PCNT: variants seen among roughly 807,000 people sequenced by gnomAD.
The protein encoded by PCNT is pericentrin, also known as kendrin.
Under a neutral mutation model 380.4 loss-of-function variants are expected in PCNT, and 319 were observed. That is an observed-to-expected ratio of 0.84 (90% CI 0.77 to 0.92). The LOEUF (loss-of-function observed/expected upper bound fraction) is 0.92. Ranked by LOEUF, PCNT falls within the 40% of genes least tolerant of loss-of-function variation. The pLI, the probability that PCNT is intolerant of heterozygous loss-of-function variation, is 0.00. For missense variants in PCNT, 4,400 were observed against 4,255.3 expected (o/e 1.03, Z -0.95); for synonymous variants, 1,845 against 1,735.2 (o/e 1.06, Z -1.57).
At chr21:46,397,532 A>T in intron 22 of PCNT, 38 bp downstream of exon 22, 10 of 1,547,118 alleles carry the variant, frequency 6.5e-6, no homozygotes, top group Non-Finnish European at 8.9e-6. Flanking sequence ...TGCATCACTA[A>T]AAGTTGCCGT....
At position 46,443,956 on chromosome 21, in the gene PCNT, T is replaced by C. The variant is rs781143576; in HGVS notation, c.9839+8T>C. Reference sequence around the variant, plus strand: ...CCCACACAGTGGGGGAAGGTCAGTGTGATGCCTTCAGGCCCCGTCTCCTGC... The same window carrying C: ...CCCACACAGTGGGGGAAGGTCAGTGCGATGCCTTCAGGCCCCGTCTCCTGC... On this transcript the variant is annotated splice_region_variant and intron_variant, in intron 45 of 46. Transcript: ENST00000359568. The C allele has an allele frequency of 4.3e-6, 7 of 1,611,570 alleles. No homozygotes were observed. The highest frequency in any genetic ancestry group is 5.1e-6 in the Non-Finnish European group (6 of 1,179,510).
intron 27 of PCNT, among the ~76,000 whole-genome samples, chr21:46,404,592 C>T (rs2086570067): frequency 6.9e-6 from 1 of 143,906 alleles, no homozygotes; most frequent in South Asian, 2.1e-4. Flanking sequence ...TTGACTGGGG[C>T]CTTGGCTTTC....
At chr21:46,350,593 G>C (rs189268575) in intron 8 of PCNT, among the ~76,000 whole-genome samples, 2 of 152,324 alleles carry the variant, frequency 1.3e-5, no homozygotes, top group African/African-American at 2.4e-5. Context: ...GGTTAATCGT[G>C]GTGTGTGAAA....
At chr21:46,390,231 T>C (rs893105765) in intron 19 of PCNT, among the ~76,000 whole-genome samples, 1 of 152,254 alleles carries the variant, frequency 6.6e-6, no homozygotes, top group South Asian at 2.1e-4. Context: ...GAGGATTGCT[T>C]GATCCTGGGA....
intron 1 of PCNT, chr21:46,324,980 G>T (rs2083321991): frequency 7.2e-6 from 6 of 832,314 alleles, no homozygotes; most frequent in Non-Finnish European, 7.9e-6. Flanking sequence ...GCCCGTCCGG[G>T]CCTGGCGTAC....
intron 14 of PCNT, 58 bp from the exon 15 acceptor site, chr21:46,366,526 A>T: frequency 6.8e-7 from 1 of 1,463,154 alleles, no homozygotes; most frequent in Non-Finnish European, 9.6e-7. Flanking sequence ...TGGCTTTTGC[A>T]AGGGTCATTG....
rs750556592 is a variant in PCNT at position 46,346,173 on chromosome 21, G to C, written c.685G>C (p.Gly229Arg). Residue 229 changes from glycine to arginine, a missense_variant, in exon 4 of 47, where the codon GGC becomes CGC. Physicochemically the swap from Gly to Arg is moderately radical, Grantham distance 125 (BLOSUM62 -2). Transcript: ENST00000359568. ...ACTTGCCATTACTGACCTGGAGAGC[G>C]GCCGTGAAGATGAGGCTGGCCTGCA... ...CELAITDLES[G>R]REDEAGLHQS... 6.2e-7 allele frequency: 1 copy of C among 1,613,970 alleles called. No individual in the cohort carries two copies. The highest frequency in any genetic ancestry group is 1.3e-5 in the African/African-American group (1 of 74,884).
intron 29 of PCNT, among the ~76,000 whole-genome samples, chr21:46,414,904 C>T (rs1205919694): frequency 6.6e-6 from 1 of 152,202 alleles, no homozygotes; most frequent in East Asian, 1.9e-4. Context: ...CTTCCTCCTC[C>T]CCCTCCTCCC....
rs2087018837 is a variant in PCNT, at chr21:46,416,158, G to A, written c.6240G>A (p.Leu2080=). The A allele has an allele frequency of 6.2e-7, 1 of 1,614,220 alleles. No individual in the cohort carries two copies. ...VKQLQEKLNR[L]LYSMTFQNVD... ...AGCTTCAGGAAAAACTGAACCGTTT[G>A]CTGTATTCCATGACCTTCCAGAATG... The change falls in exon 30 of 47, where the codon TTG becomes TTA. Residue 2080 remains leucine (L), a synonymous_variant. Coordinates refer to ENST00000359568, the MANE Select transcript of PCNT (RefSeq NM_006031.6).
chr21:46,362,281 A>G (rs1202224816), intron 13 of PCNT, among the ~76,000 whole-genome samples: 1 of 152,138 alleles, frequency 6.6e-6, no homozygotes, highest in East Asian at 1.9e-4. Flanking sequence ...CCTCTGGCTC[A>G]GTGAGGGATT....
intron 2 of PCNT, among the ~76,000 whole-genome samples, chr21:46,332,358 T>C (rs2083585794): frequency 6.6e-6 from 1 of 152,212 alleles, no homozygotes; most frequent in Admixed American, 6.6e-5. Context: ...TTCTGGGCCG[T>C]TTTACTGTTT....
At chr21:46,415,573 C>T (rs1439838032) in intron 29 of PCNT, among the ~76,000 whole-genome samples, 1 of 151,774 alleles carries the variant, frequency 6.6e-6, no homozygotes, top group South Asian at 2.1e-4. Flanking sequence ...TTAGTAGAGA[C>T]AGGGTTTCAC....
At chr21:46,417,055 A>T (rs571142100) in intron 30 of PCNT, among the ~76,000 whole-genome samples, 1 of 152,246 alleles carries the variant, frequency 6.6e-6, no homozygotes, top group South Asian at 2.1e-4. Flanking sequence ...CCTGCCTCAG[A>T]CATACCCTGG....
intron 31 of PCNT, among the ~76,000 whole-genome samples, chr21:46,418,916 G>T (rs764608931): frequency 1.3e-5 from 2 of 152,202 alleles, no homozygotes; most frequent in Non-Finnish European, 2.9e-5. Flanking sequence ...CTGTGATGGT[G>T]CCTGCCAGGT....
chr21:46,432,372 G>A (rs2087806822), intron 38 of PCNT, among the ~76,000 whole-genome samples, 157 bp downstream of exon 38: 1 of 152,264 alleles, frequency 6.6e-6, no homozygotes, highest in African/African-American at 2.4e-5. Context: ...TGCTGTTACT[G>A]TAGCTTTCTA....
Position 46,398,097 on chromosome 21 carries a change from C to T in PCNT, c.4530C>T (p.Ala1510=). 1.2e-6 allele frequency: 2 copies of T among 1,600,334 alleles called. No homozygotes were observed. The highest frequency in any genetic ancestry group is 1.7e-6 in the Non-Finnish European group (2 of 1,174,714). The change falls in exon 23 of 47, where the codon GCC becomes GCT. Residue 1510 remains alanine, a synonymous_variant. Transcript: ENST00000359568. ...TGGAGGGGCAGCTCCGCCAGGCGGC[C>T]AAGCCGCAGCCCTGGGGCCCTCGCG... is the stretch of plus-strand genomic sequence containing the variant. ...QRLEGQLRQA[A]KPQPWGPRDS...
At chr21:46,430,779 G>A in intron 37 of PCNT, 122 bp downstream of exon 37, 3 of 1,533,872 alleles carry the variant, frequency 2.0e-6, no homozygotes, top group Non-Finnish European at 2.6e-6. Context: ...TGACAGCAGT[G>A]TGACGTAGCA....
At chr21:46,354,453 G>A (rs922373292) in intron 11 of PCNT, among the ~76,000 whole-genome samples, 1 of 152,212 alleles carries the variant, frequency 6.6e-6, no homozygotes, top group African/African-American at 2.4e-5. Context: ...AGTTGCTTCC[G>A]TGCTGCGACT....
intron 29 of PCNT, 97 bp from the exon 30 acceptor site, chr21:46,415,972 C>A: frequency 8.4e-7 from 1 of 1,184,176 alleles, no homozygotes. Flanking sequence ...CACCCGAGTG[C>A]TCCGAAACTC....
Sources: gnomAD v4.1 joint callset for allele counts (sites outside exome capture counted in the v4.1 genomes callset) on GRCh38, gnomAD v4.1.1 for gene constraint, MANE v1.5 for transcripts, NCBI Gene and HGNC (gene_info 2026-07-23, HGNC 2026-07-21) for gene names.